The following PTPRD variants were observed in gnomAD, a reference collection of about 807,000 sequenced individuals.
PTPRD encodes receptor-type tyrosine-protein phosphatase delta.
A neutral mutation model predicts 214.5 loss-of-function variants in PTPRD; 34 were observed. That is an observed-to-expected ratio of 0.16 (90% CI 0.12 to 0.21). PTPRD has a LOEUF of 0.21. Among genes scored for constraint, PTPRD ranks in the 10% least tolerant of loss-of-function variants. PTPRD has a pLI of 1.00. For synonymous variants in PTPRD, 1,128 were observed against 845.7 expected (o/e 1.33, Z -5.79); for missense variants, 2,545 against 2,398.7 (o/e 1.06, Z -1.27).
chr9:8,889,462 A>G (rs543143849), intron 11 of PTPRD, among the ~76,000 whole-genome samples: 1 of 152,230 alleles, frequency 6.6e-6, no homozygotes, highest in East Asian at 1.9e-4. Flanking sequence ...ATATATTTAA[A>G]ATTTTTTATT....
At chr9:9,704,909 A>AATTT (rs1676047348) in intron 7 of PTPRD, among the ~76,000 whole-genome samples, 2 of 152,214 alleles carry the variant, frequency 1.3e-5, no homozygotes, top group African/African-American at 4.8e-5. Flanking sequence ...CACTCAACTG[A>AATTT]GGCCTGTCCA....
At chr9:9,554,978 T>C (rs73407055) in intron 8 of PTPRD, among the ~76,000 whole-genome samples, 5,924 of 148,546 alleles carry the variant, frequency 0.04, 184 homozygotes, top group African/African-American at 0.086. Context: ...ATATCTATGA[T>C]TTTGTCTAAT....
At chr9:10,395,758 C>A (rs1403251165) in intron 2 of PTPRD, among the ~76,000 whole-genome samples, 1 of 151,796 alleles carries the variant, frequency 6.6e-6, no homozygotes, top group Admixed American at 6.6e-5. Flanking sequence ...GCATAGGAAT[C>A]CTAGTTTTAA....
chr9:9,493,456 C>T (rs2096013248), intron 8 of PTPRD, among the ~76,000 whole-genome samples: 1 of 152,100 alleles, frequency 6.6e-6, no homozygotes, highest in Non-Finnish European at 1.5e-5. Flanking sequence ...GCTCATGGAT[C>T]AAAGAGTAAC....
intron 9 of PTPRD, among the ~76,000 whole-genome samples, chr9:9,209,522 T>C (rs187984773): frequency 1.8e-4 from 28 of 152,304 alleles, no homozygotes; most frequent in African/African-American, 5.8e-4. Flanking sequence ...ATTAACGGTA[T>C]TGTGGCATAT....
intron 10 of PTPRD, among the ~76,000 whole-genome samples, chr9:9,115,352 C>A (rs1010167030): frequency 6.6e-6 from 1 of 151,964 alleles, no homozygotes; most frequent in African/African-American, 2.4e-5. Flanking sequence ...AGAAGATAAA[C>A]AAATGGCCGA....
At chr9:8,415,198 A>T (rs986252040) in intron 35 of PTPRD, among the ~76,000 whole-genome samples, 1 of 152,186 alleles carries the variant, frequency 6.6e-6, no homozygotes, top group Non-Finnish European at 1.5e-5. Flanking sequence ...TGCTGCACAC[A>T]AGAGAGAAAA....
chr9:9,186,121 T>C (rs888437192), intron 9 of PTPRD, among the ~76,000 whole-genome samples: 43 of 152,010 alleles, frequency 2.8e-4, no homozygotes, highest in African/African-American at 9.9e-4. Context: ...TGAGAAAAAA[T>C]AGATGATAAA....
At chr9:10,408,877 T>C (rs7040498) in intron 2 of PTPRD, among the ~76,000 whole-genome samples, 119,635 of 151,632 alleles carry the variant, frequency 0.79, 47,902 homozygotes, top group East Asian at 0.88. Context: ...GCTCAGTATA[T>C]GTTAGATATT....
intron 2 of PTPRD, among the ~76,000 whole-genome samples, chr9:10,535,055 G>A (rs1049591338): frequency 6.6e-6 from 1 of 152,170 alleles, no homozygotes; most frequent in Admixed American, 6.6e-5. Flanking sequence ...ACAGCTGGGG[G>A]ATGGCAGGTA....
At chr9:8,390,293 CA>C (rs1241554472) in intron 36 of PTPRD, among the ~76,000 whole-genome samples, 2 of 152,142 alleles carry the variant, frequency 1.3e-5, no homozygotes, top group Non-Finnish European at 2.9e-5. Flanking sequence ...TGCAACTTCC[CA>C]AACTCATCTC....
At chr9:8,714,550 C>A (rs1008561047) in intron 12 of PTPRD, among the ~76,000 whole-genome samples, 6 of 152,136 alleles carry the variant, frequency 3.9e-5, no homozygotes, top group African/African-American at 1.4e-4. Context: ...CAAGGTTTTT[C>A]TCCTAATCCT....
chr9:9,679,044 G>T (rs149517996), intron 7 of PTPRD, among the ~76,000 whole-genome samples: 1 of 149,886 alleles, frequency 6.7e-6, no homozygotes, highest in South Asian at 2.1e-4. Context: ...TATAGAAATT[G>T]TCTTTAAAGC....
At chr9:10,346,082 A>C (rs887650666) in intron 2 of PTPRD, among the ~76,000 whole-genome samples, 1 of 152,200 alleles carries the variant, frequency 6.6e-6, no homozygotes, top group African/African-American at 2.4e-5. Context: ...AATTATATTG[A>C]AACACAATTT....
chr9:9,588,897 G>T (rs1235768221), intron 7 of PTPRD, among the ~76,000 whole-genome samples: 1 of 151,792 alleles, frequency 6.6e-6, no homozygotes, highest in African/African-American at 2.4e-5. Context: ...CAAACTCTTT[G>T]TATCTCCATT....
intron 7 of PTPRD, among the ~76,000 whole-genome samples, chr9:9,719,462 G>A (rs1306492150): frequency 6.6e-6 from 1 of 152,248 alleles, no homozygotes; most frequent in Admixed American, 6.5e-5. Flanking sequence ...CAGACCTCTG[G>A]ATTCCCCAAG....
intron 2 of PTPRD, among the ~76,000 whole-genome samples, chr9:10,537,738 T>C (rs1385221086): frequency 6.6e-6 from 1 of 152,148 alleles, no homozygotes. Context: ...TCATAATGTC[T>C]TAAAATTCTC....
intron 10 of PTPRD, among the ~76,000 whole-genome samples, chr9:9,116,651 C>T (rs752744506): frequency 2.6e-5 from 4 of 152,084 alleles, no homozygotes; most frequent in Admixed American, 6.6e-5. Context: ...AAGTCTCATG[C>T]ACCCAAAAAC....
intron 8 of PTPRD, among the ~76,000 whole-genome samples, chr9:9,405,699 T>C (rs914729956): frequency 1.3e-5 from 2 of 152,024 alleles, no homozygotes; most frequent in African/African-American, 4.8e-5. Context: ...GAAGACATTA[T>C]TGTGGTTGGT....
Sources: gnomAD v4.1 joint callset for allele counts (sites outside exome capture counted in the v4.1 genomes callset) on GRCh38, gnomAD v4.1.1 for gene constraint, MANE v1.5 for transcripts, NCBI Gene and HGNC (gene_info 2026-07-23, HGNC 2026-07-21) for gene names.